CDK8: variants seen among roughly 807,000 people sequenced by gnomAD.
CDK8 encodes cyclin dependent kinase 8.
Under a neutral mutation model 71.5 loss-of-function variants are expected in CDK8, and 29 were observed. That is an observed-to-expected ratio of 0.41 (90% CI 0.30 to 0.55). The LOEUF (loss-of-function observed/expected upper bound fraction) is 0.55, where lower values mean the gene tolerates loss of function less well. CDK8 is among the 20% of genes least tolerant of loss of function. The pLI is 0.37. For missense variants in CDK8, 288 were observed against 572.6 expected, an observed-to-expected ratio of 0.50 and a Z score of 5.07; for synonymous variants, 161 against 192.1, an observed-to-expected ratio of 0.84 and a Z score of 1.34.
chr13:26,341,335 C>T (rs1873230732), intron 2 of CDK8, among the ~76,000 whole-genome samples: 1 of 152,142 alleles, frequency 6.6e-6, no homozygotes, highest in South Asian at 2.1e-4. Flanking sequence ...CCATGTTGGT[C>T]AGGCTGGTCT....
chr13:26,342,780 A>C (rs566525536), intron 2 of CDK8, among the ~76,000 whole-genome samples: 29 of 152,338 alleles, frequency 1.9e-4, no homozygotes, highest in African/African-American at 7.0e-4. Context: ...CAGTAGTAAT[A>C]GTTACTTACT....
intron 6 of CDK8, among the ~76,000 whole-genome samples, chr13:26,388,273 A>C (rs1346765481): frequency 1.3e-5 from 2 of 152,238 alleles, no homozygotes; most frequent in African/African-American, 4.8e-5. Flanking sequence ...ACTTTTCTAT[A>C]AATATAAAAT....
intron 4 of CDK8, among the ~76,000 whole-genome samples, chr13:26,371,062 G>A (rs1874655139): frequency 6.6e-6 from 1 of 152,014 alleles, no homozygotes; most frequent in African/African-American, 2.4e-5. Flanking sequence ...TGAACTTCTT[G>A]CGGGCCTTAT....
chr13:26,272,427 C>T (rs1189236256), intron 1 of CDK8, among the ~76,000 whole-genome samples: 1 of 152,156 alleles, frequency 6.6e-6, no homozygotes, highest in African/African-American at 2.4e-5. Flanking sequence ...CACATCTTGT[C>T]CCCCTGGAAG....
chr13:26,335,369 T>C (rs567617791), intron 1 of CDK8, among the ~76,000 whole-genome samples: 30 of 152,326 alleles, frequency 2.0e-4, no homozygotes, highest in African/African-American at 6.7e-4. Context: ...TATTTGCTAT[T>C]CTGCCCTTTT....
intron 1 of CDK8, among the ~76,000 whole-genome samples, chr13:26,300,972 T>C (rs1035527431): frequency 6.6e-6 from 1 of 152,172 alleles, no homozygotes; most frequent in Non-Finnish European, 1.5e-5. Context: ...TGAACAAAGC[T>C]GTATCCTTTC....
chr13:26,298,625 G>A (rs886916727), intron 1 of CDK8, among the ~76,000 whole-genome samples: 1 of 152,088 alleles, frequency 6.6e-6, no homozygotes, highest in African/African-American at 2.4e-5. Flanking sequence ...GCAAGAACAA[G>A]CAAATGATGA....
intron 4 of CDK8, among the ~76,000 whole-genome samples, chr13:26,362,262 G>GGATGGATGGATA (rs1874183581): frequency 6.7e-6 from 1 of 148,386 alleles, no homozygotes; most frequent in Non-Finnish European, 1.5e-5. Flanking sequence ...ATGGATGGAT[G>GGATGGATGGATA]GATGGATAGA....
At chr13:26,291,442 C>T (rs1188623326) in intron 1 of CDK8, among the ~76,000 whole-genome samples, 1 of 152,000 alleles carries the variant, frequency 6.6e-6, no homozygotes, top group Non-Finnish European at 1.5e-5. Context: ...AATTGGGAGC[C>T]ATATGAATGA....
chr13:26,255,092 G>C (rs9578981), intron 1 of CDK8, among the ~76,000 whole-genome samples: 1 of 138,346 alleles, frequency 7.2e-6, no homozygotes, highest in Admixed American at 7.0e-5. Flanking sequence ...AATGTTTTTT[G>C]TTTTTTTTTT....
intron 1 of CDK8, among the ~76,000 whole-genome samples, chr13:26,323,435 C>G (rs1047344626): frequency 5.9e-5 from 9 of 151,700 alleles, no homozygotes; most frequent in African/African-American, 2.2e-4. Flanking sequence ...TCTTGAAGAC[C>G]CCACCTTCAT....
intron 1 of CDK8, among the ~76,000 whole-genome samples, chr13:26,284,956 A>T (rs1197831545): frequency 7.0e-6 from 1 of 141,868 alleles, no homozygotes; most frequent in South Asian, 2.3e-4. Context: ...AAAAAAAAAA[A>T]GTCTGGGTAC....
Position 26,292,446 on chromosome 13 carries a change from C to T in CDK8, c.128+37677C>T, listed in dbSNP as rs563980774. ...TGTGCTGTAAGATGGCTTACCATCA[C>T]CCAGTATTCTTATTCCAACTAATAA... On this transcript the variant is annotated intron_variant, in intron 1 of 12. Coordinates refer to ENST00000381527, the MANE Select transcript of CDK8 (RefSeq NM_001260.3). Among the ~76,000 whole-genome samples the T allele has an allele frequency of 7.2e-5, 11 of 152,274 alleles. No homozygotes were observed. The South Asian group carries it at 2.1e-3, about 29-fold the overall frequency.
At chr13:26,287,069 A>G (rs1033526739) in intron 1 of CDK8, among the ~76,000 whole-genome samples, 5 of 152,198 alleles carry the variant, frequency 3.3e-5, no homozygotes, top group Admixed American at 1.3e-4. Context: ...GTAAACCACT[A>G]TGGAAAACAG....
At chr13:26,352,601 G>A (rs1000309693) in intron 3 of CDK8, among the ~76,000 whole-genome samples, 4 of 152,082 alleles carry the variant, frequency 2.6e-5, no homozygotes, top group Non-Finnish European at 4.4e-5. Context: ...TTATTAAATT[G>A]TTGTAGCTCT....
intron 1 of CDK8, among the ~76,000 whole-genome samples, chr13:26,291,100 CAG>C (rs10592145): frequency 0.83 from 124,343 of 149,420 alleles, 53,267 homozygotes; most frequent in East Asian, 1. Context: ...GCCTGGGTGA[CAG>C]AGTGAGCCTC....
At chr13:26,350,477 A>G (rs1302091400) in intron 3 of CDK8, among the ~76,000 whole-genome samples, 1 of 151,306 alleles carries the variant, frequency 6.6e-6, no homozygotes, top group South Asian at 2.1e-4. Context: ...TCTGCAAAAA[A>G]TAAAAAAAAT....
intron 1 of CDK8, among the ~76,000 whole-genome samples, chr13:26,275,387 T>C (rs1872522784): frequency 6.6e-6 from 1 of 152,214 alleles, no homozygotes; most frequent in Admixed American, 6.5e-5. Flanking sequence ...TATGGTTATG[T>C]TTTTTATTCA....
At chr13:26,261,501 A>G (rs1188094235) in intron 1 of CDK8, among the ~76,000 whole-genome samples, 1 of 151,862 alleles carries the variant, frequency 6.6e-6, no homozygotes, top group Non-Finnish European at 1.5e-5. Context: ...GCACTAATCT[A>G]CTTTCTGTCT....
Sources: allele counts gnomAD v4.1 joint callset (sites outside exome capture counted in the v4.1 genomes callset), GRCh38; gene constraint gnomAD v4.1.1; transcripts MANE v1.5; gene names NCBI Gene and HGNC (gene_info 2026-07-23, HGNC 2026-07-21).